The following HMGCS1 variants were observed in gnomAD, a reference collection of about 807,000 sequenced individuals.
HMGCS1 encodes the protein hydroxymethylglutaryl-CoA synthase, cytoplasmic.
In HMGCS1, 9 loss-of-function variants were observed where a neutral mutation model predicts 52.3. The observed-to-expected ratio is 0.17, with a 90% CI of 0.10 to 0.30. The LOEUF (loss-of-function observed/expected upper bound fraction) is 0.30, where lower values mean the gene tolerates loss of function less well. Ranked by LOEUF, HMGCS1 falls within the 10% of genes least tolerant of loss-of-function variation. The pLI is 1.00. For missense variants in HMGCS1, 320 were observed against 620.9 expected, an observed-to-expected ratio of 0.52 and a Z score of 5.15; for synonymous variants, 176 against 214.4, an observed-to-expected ratio of 0.82 and a Z score of 1.57.
chr5:43,313,175 A>G (rs1215159641), intron 1 of HMGCS1, 181 bp downstream of exon 1: 3 of 152,472 alleles, frequency 2.0e-5, no homozygotes, highest in African/African-American at 4.8e-5. Flanking sequence ...GTCCCTCACG[A>G]GGGAACCCCC....
chr5:43,309,951 C>T (rs748977912), intron 1 of HMGCS1, among the ~76,000 whole-genome samples: 3 of 152,208 alleles, frequency 2.0e-5, no homozygotes, highest in Non-Finnish European at 2.9e-5. Flanking sequence ...TGAATACTTC[C>T]TTCTGGCTCC....
In HMGCS1 at chr5:43,293,261, T is replaced by A. The variant is rs572440719; in HGVS notation, c.1184-288A>T. ...TAATCCATGGTACAATTATTTTATTTTTATTATTTTTTATAGAGATGGGGT... is the reference window on the plus strand; with the variant it reads ...TAATCCATGGTACAATTATTTTATTATTATTATTTTTTATAGAGATGGGGT... On this transcript the variant is annotated intron_variant, in intron 8 of 10. Coordinates refer to ENST00000325110, the MANE Select transcript of HMGCS1 (RefSeq NM_001098272.3). Among the ~76,000 whole-genome samples, 25 of 152,304 alleles carry A rather than the reference T, an allele frequency of 1.6e-4. No individual in the cohort carries two copies. In the South Asian group the frequency reaches 5.0e-3, roughly 30 times the overall value.
rs1360270908 is a variant in HMGCS1, at chr5:43,299,012, G to A, written c.-10-37C>T. The A allele has an allele frequency of 2.7e-6, 4 of 1,467,180 alleles. No individual in the cohort carries two copies. The East Asian group carries it at 6.8e-5, about 25-fold the overall frequency. The allele number at this position is 1,467,180 out of a possible 1,614,324, so 90.9% of individuals were successfully genotyped here. On this transcript the variant is annotated intron_variant, in intron 2 of 10. Coordinates refer to ENST00000325110, the MANE Select transcript of HMGCS1 (RefSeq NM_001098272.3). ...AGAAACAGAAAAAAAATTGTTTTAG[G>A]TTATAAGTTGCTGGTTTTCAACTTT...
At position 43,291,092 on chromosome 5, in the gene HMGCS1, G is replaced by A; in HGVS notation, c.*39C>T. The A allele has an allele frequency of 4.2e-6, 2 of 477,540 alleles. No homozygotes were observed. Among genetic ancestry groups the A allele is most frequent in the Non-Finnish European group, 8.4e-6 (2 of 238,624 alleles). The allele number at this position is 477,540 out of a possible 1,614,324, so 29.6% of individuals were successfully genotyped here. ...AACTGTTCCCATACCCCCACCCCATGCCCACCCCACCCTGAAGTCTTGCAC... is the reference window on the plus strand; with the variant it reads ...AACTGTTCCCATACCCCCACCCCATACCCACCCCACCCTGAAGTCTTGCAC... On this transcript the variant is annotated 3_prime_UTR_variant, in exon 11 of 11. Transcript: ENST00000325110.
intron 1 of HMGCS1, among the ~76,000 whole-genome samples, chr5:43,311,276 C>T (rs936390375): frequency 2.8e-4 from 41 of 147,696 alleles, no homozygotes; most frequent in African/African-American, 7.5e-5. Context: ...GCCGAGATCA[C>T]GCTGCTGCAC....
intron 2 of HMGCS1, among the ~76,000 whole-genome samples, chr5:43,302,081 C>T (rs1193635766): frequency 6.6e-6 from 1 of 152,244 alleles, no homozygotes; most frequent in Non-Finnish European, 1.5e-5. Flanking sequence ...AGACAAGCTG[C>T]TTTCGTTCCT....
At chr5:43,296,955 A>C in intron 5 of HMGCS1, 47 bp downstream of exon 5, 1 of 1,512,708 alleles carries the variant, frequency 6.6e-7, no homozygotes, top group South Asian at 1.2e-5. Flanking sequence ...AGTACATTAG[A>C]CTGCTCTCAA....
chr5:43,300,198 C>A (rs1462378262), intron 2 of HMGCS1, among the ~76,000 whole-genome samples: 1 of 152,150 alleles, frequency 6.6e-6, no homozygotes, highest in Non-Finnish European at 1.5e-5. Context: ...GCATAAGAAC[C>A]AATGAAATGT....
intron 2 of HMGCS1, among the ~76,000 whole-genome samples, chr5:43,306,953 C>CA (rs1446055427): frequency 6.6e-6 from 1 of 151,026 alleles, no homozygotes; most frequent in Non-Finnish European, 1.5e-5. Flanking sequence ...TCTTGAAATA[C>CA]AAAAAAAGCA....
Position 43,298,920 on chromosome 5 carries a change from C to G in HMGCS1, c.46G>C (p.Asp16His), listed in dbSNP as rs748699156. 35 of 1,613,938 alleles carry G rather than the reference C, an allele frequency of 2.2e-5. No individual in the cohort carries two copies. Among genetic ancestry groups the G allele is most frequent in the Non-Finnish European group, 2.8e-5 (33 of 1,179,974 alleles). The change falls in exon 3 of 11, where the codon GAT becomes CAT. Residue 16 changes from aspartate (D) to histidine (H), a missense_variant. By Grantham distance (81) the Asp-to-His change is moderately conservative (BLOSUM62 -1). This residue lies in a region of HMGCS1 where 22 missense variants were observed against 23.5 expected (regional missense o/e 0.94). Transcript: ENST00000325110. The surrounding 1 kb of genome is among the most constrained non-coding windows in gnomAD (Gnocchi z 5.6). ...ATCTCAAGGGCAACAATTCCCACAT[C>G]TTTTGGCCAGCAAGCTTCTGCATTC... is the stretch of plus-strand genomic sequence containing the variant. ...PLNAEACWPKDVGIVALEIYF... is the reference protein window; with the variant it reads ...PLNAEACWPKHVGIVALEIYF...
chr5:43,309,914 G>C (rs1257243538), intron 1 of HMGCS1, among the ~76,000 whole-genome samples: 1 of 152,240 alleles, frequency 6.6e-6, no homozygotes, highest in Non-Finnish European at 1.5e-5. Context: ...TGCAATGGTA[G>C]TTTCTTCTGG....
At chr5:43,308,940 G>GAATACTAC (rs1754715942) in intron 1 of HMGCS1, among the ~76,000 whole-genome samples, 1 of 151,988 alleles carries the variant, frequency 6.6e-6, no homozygotes, top group Admixed American at 6.6e-5. Context: ...TGTAGGCAAA[G>GAATACTAC]AATACTACAA....
At chr5:43,293,609 T>C (rs76629096) in intron 8 of HMGCS1, 3,511 of 152,218 alleles carry the variant, frequency 0.023, 98 homozygotes, top group African/African-American at 0.068. Flanking sequence ...AAAAACCTAC[T>C]GAAAGAAGTA....
At chr5:43,305,437 C>T (rs1007406163) in intron 2 of HMGCS1, among the ~76,000 whole-genome samples, 1 of 152,092 alleles carries the variant, frequency 6.6e-6, no homozygotes, top group Non-Finnish European at 1.5e-5. Context: ...TCACTCTTTA[C>T]CCTACCAGAG....
At position 43,287,818 on chromosome 5, in the gene HMGCS1, G is replaced by C. The variant is rs1753563515; in HGVS notation, c.*3313C>G. ...AAGGTATACAGCTAGAATCCAAAGA[G>C]AGGTACTATCATATTCTCTGAGAAC... is the stretch of plus-strand genomic sequence containing the variant. On this transcript the variant is annotated 3_prime_UTR_variant, in exon 11 of 11. Coordinates refer to ENST00000325110, the MANE Select transcript of HMGCS1 (RefSeq NM_001098272.3). 1 of 152,246 alleles carries C rather than the reference G, an allele frequency of 6.6e-6. No homozygotes were observed. Among genetic ancestry groups the C allele is most frequent in the Non-Finnish European group, 1.5e-5 (1 of 68,068 alleles). The allele number at this position is 152,246 out of a possible 1,614,324, so 9.4% of individuals were successfully genotyped here.
At chr5:43,312,332 G>C (rs867771886) in intron 1 of HMGCS1, among the ~76,000 whole-genome samples, 4 of 152,328 alleles carry the variant, frequency 2.6e-5, no homozygotes, top group Middle Eastern at 6.8e-3. Flanking sequence ...AGCATCCTCG[G>C]GAAGGTGGGG....
rs1288873692 is a variant in HMGCS1 at position 43,289,951 on chromosome 5, ATCT to A, written c.*1177_*1179del. 1.3e-5 allele frequency: 2 copies of A among 152,596 alleles called. No individual in the cohort carries two copies. The highest frequency in any genetic ancestry group is 4.8e-5 in the African/African-American group (2 of 41,432). 9.5% of individuals were successfully genotyped at this position (152,596 alleles called of 1,614,324 possible). On this transcript the variant is annotated 3_prime_UTR_variant, in exon 11 of 11. Coordinates refer to ENST00000325110, the MANE Select transcript of HMGCS1 (RefSeq NM_001098272.3). ...AGATCTACACAAAACTGTTTAACCA[ATCT>A]TCTTATCTATCCTGTGTGATAGTTT...
chr5:43,294,956 A>C (rs1172007005), intron 6 of HMGCS1, 95 bp from the exon 7 acceptor site: 1 of 740,446 alleles, frequency 1.4e-6, no homozygotes, highest in Non-Finnish European at 2.1e-6. Context: ...CTTTAAGTGT[A>C]TATAATTGTT....
At chr5:43,291,629 C>A (rs376251234) in intron 10 of HMGCS1, among the ~76,000 whole-genome samples, 1 of 152,110 alleles carries the variant, frequency 6.6e-6, no homozygotes, top group East Asian at 1.9e-4. Flanking sequence ...TAGTTTATAA[C>A]CTGGCTTTAA....
Sources: allele counts gnomAD v4.1 joint callset (sites outside exome capture counted in the v4.1 genomes callset), GRCh38; gene constraint gnomAD v4.1.1; regional missense constraint gnomAD v4.1.1; non-coding constraint Gnocchi (gnomAD v3.1); transcripts MANE v1.5; gene names NCBI Gene and HGNC (gene_info 2026-07-23, HGNC 2026-07-21).